Variants in CACNA1I observed in about 807,000 individuals in gnomAD.
CACNA1I encodes calcium voltage-gated channel subunit alpha1 I, also known as voltage-dependent T-type calcium channel subunit alpha-1I.
Under a neutral mutation model 201.6 loss-of-function variants are expected in CACNA1I, and 74 were observed. The ratio of observed to expected loss-of-function variants is 0.37; its 90% confidence interval spans 0.30 to 0.45. The LOEUF (loss-of-function observed/expected upper bound fraction) is 0.45. CACNA1I is among the 20% of genes least tolerant of loss of function. CACNA1I has a pLI of 1.00. For missense variants in CACNA1I, 2,346 were observed against 3,138.1 expected, an observed-to-expected ratio of 0.75 and a Z score of 6.03; for synonymous variants, 1,431 against 1,345.2, an observed-to-expected ratio of 1.06 and a Z score of -1.40.
chr22:39,621,794 C>T (rs1177920900), intron 4 of CACNA1I, among the ~76,000 whole-genome samples: 2 of 152,122 alleles, frequency 1.3e-5, no homozygotes, highest in Non-Finnish European at 2.9e-5. Flanking sequence ...GAGTTCAGCT[C>T]TACCAGCCTG....
In CACNA1I at chr22:39,688,973, C is replaced by G. The variant is rs1421364089; in HGVS notation, c.*2568C>G. The G allele has an allele frequency of 6.5e-6, 1 of 152,868 alleles. No individual in the cohort carries two copies. Among genetic ancestry groups the G allele is most frequent in the Non-Finnish European group, 1.5e-5 (1 of 68,130 alleles). The allele number at this position is 152,868 out of a possible 1,614,324, so 9.5% of individuals were successfully genotyped here. A position where few individuals can be genotyped will look rare whatever the true frequency, so the allele number is the denominator to read the frequency against. ...CACTTGACCTTGTTCCTGTGGGTGA[C>G]AGAGATGAGAACCAGGGAAGCTGTG... is the stretch of plus-strand genomic sequence containing the variant. On this transcript the variant is annotated 3_prime_UTR_variant, in exon 37 of 37. Transcript: ENST00000402142. The surrounding 1 kb of genome is among the most constrained non-coding windows in gnomAD (Gnocchi z 4.8).
Position 39,665,447 on chromosome 22 carries a change from C to T in CACNA1I, c.3852-51C>T. 8 of 1,606,642 alleles carry T rather than the reference C, an allele frequency of 5.0e-6. No individual in the cohort carries two copies. The Middle Eastern group carries it at 5.0e-4, about 101-fold the overall frequency. On this transcript the variant is annotated intron_variant, in intron 21 of 36. Transcript: ENST00000402142. This position sits in a 1 kb window ranked among gnomAD's most constrained non-coding sequence, Gnocchi z 5.5. Reference sequence around the variant, plus strand: ...TGACTCTGGGCTGAGTAGGGGCTGCCTCCTGGCCTGGCCAAGGGATTATGT... The same window carrying T: ...TGACTCTGGGCTGAGTAGGGGCTGCTTCCTGGCCTGGCCAAGGGATTATGT...
intron 24 of CACNA1I, 40 bp from the exon 25 acceptor site, chr22:39,669,998 G>A: frequency 6.2e-7 from 1 of 1,610,204 alleles, no homozygotes; most frequent in Non-Finnish European, 8.5e-7. Context: ...GCCCTGTAGG[G>A]CCCAATCAGC....
chr22:39,615,086 T>C (rs1209859059), intron 3 of CACNA1I, among the ~76,000 whole-genome samples: 1 of 152,226 alleles, frequency 6.6e-6, no homozygotes, highest in African/African-American at 2.4e-5. Context: ...GGCCCTTCCT[T>C]ACCTTCTCTT....
At chr22:39,656,509 G>C (rs1934828512) in intron 10 of CACNA1I, 3 of 511,264 alleles carry the variant, frequency 5.9e-6, no homozygotes, top group African/African-American at 3.9e-5. Context: ...TTGTTAACTT[G>C]GTTTACTGGG....
At chr22:39,618,042 T>C (rs189156444) in intron 3 of CACNA1I, among the ~76,000 whole-genome samples, 1 of 151,460 alleles carries the variant, frequency 6.6e-6, no homozygotes, top group Admixed American at 6.6e-5. Context: ...TGTGCAGTTG[T>C]GTGTGTATTT....
At chr22:39,603,579 A>G (rs1287528203) in intron 3 of CACNA1I, among the ~76,000 whole-genome samples, 1 of 152,186 alleles carries the variant, frequency 6.6e-6, no homozygotes, top group Admixed American at 6.5e-5. Flanking sequence ...TGTTTTATAA[A>G]TACAATATTC....
At chr22:39,576,837 T>C (rs1161026569) in intron 1 of CACNA1I, among the ~76,000 whole-genome samples, 2 of 152,234 alleles carry the variant, frequency 1.3e-5, no homozygotes, top group Non-Finnish European at 2.9e-5. Context: ...TTCGTGTTCC[T>C]GGTTCTCTCC....
chr22:39,583,074 AT>A (rs1932620023), intron 1 of CACNA1I, among the ~76,000 whole-genome samples: 1 of 149,004 alleles, frequency 6.7e-6, no homozygotes, highest in Non-Finnish European at 1.5e-5. Context: ...CCATCCATCC[AT>A]CCATCCAACA....
At chr22:39,584,764 C>A (rs1328071776) in intron 1 of CACNA1I, among the ~76,000 whole-genome samples, 1 of 152,192 alleles carries the variant, frequency 6.6e-6, no homozygotes, top group Non-Finnish European at 1.5e-5. Context: ...TTTAGCATTT[C>A]TTTCTGTTAT....
intron 34 of CACNA1I, among the ~76,000 whole-genome samples, chr22:39,681,730 G>A (rs542117241): frequency 2.9e-4 from 44 of 152,102 alleles, no homozygotes; most frequent in Admixed American, 2.2e-3. Flanking sequence ...TGCTGGGGGT[G>A]GGGGGTGTAA....
At chr22:39,612,113 T>C (rs1933401772) in intron 3 of CACNA1I, among the ~76,000 whole-genome samples, 1 of 152,132 alleles carries the variant, frequency 6.6e-6, no homozygotes, top group Non-Finnish European at 1.5e-5. Flanking sequence ...CCCTCGTGGA[T>C]GGATTAATGC....
rs1422309216 is a variant in CACNA1I at position 39,670,905 on chromosome 22, T to A, written c.4490T>A (p.Ile1497Asn). The part of the protein sequence containing the change: ...HYLDIFITFI[I>N]CLNVVTMSLE... ...CTGGACATCTTCATCACCTTCATCATCTGCCTCAACGTGGTCACCATGTCC... is the reference window on the plus strand; with the variant it reads ...CTGGACATCTTCATCACCTTCATCAACTGCCTCAACGTGGTCACCATGTCC... The change falls in exon 26 of 37, where the codon ATC becomes AAC. Residue 1497 changes from isoleucine (I) to asparagine (N), a missense_variant. Physicochemically the swap from Ile to Asn is moderately radical, Grantham distance 149. This residue lies in a region of CACNA1I where 228 missense variants were observed against 395.7 expected (regional missense o/e 0.58). Coordinates refer to ENST00000402142, the MANE Select transcript of CACNA1I (RefSeq NM_021096.4). 1 of 1,613,902 alleles carries A rather than the reference T, an allele frequency of 6.2e-7. No homozygotes were observed. Among genetic ancestry groups the A allele is most frequent in the East Asian group, 2.2e-5 (1 of 44,876 alleles).
Position 39,641,217 on chromosome 22 carries a change from T to C in CACNA1I, c.1056+35T>C, listed in dbSNP as rs201839582. The C allele has an allele frequency of 1.4e-5, 22 of 1,568,470 alleles. No homozygotes were observed. In the East Asian group the frequency reaches 4.5e-4, roughly 32 times the overall value. ...TTCAGGCCTGGGGCCAGCCTGGTCC[T>C]AGAGTGGGCAGCTCTGCCTGGTGGG... is the stretch of plus-strand genomic sequence containing the variant. On this transcript the variant is annotated intron_variant, in intron 6 of 36. Transcript: ENST00000402142.
At chr22:39,669,988 G>T in intron 24 of CACNA1I, 50 bp from the exon 25 acceptor site, 1 of 1,604,986 alleles carries the variant, frequency 6.2e-7, no homozygotes, top group Non-Finnish European at 8.5e-7. Flanking sequence ...CCTCCCCATG[G>T]CCCTGTAGGG....
intron 23 of CACNA1I, among the ~76,000 whole-genome samples, chr22:39,667,496 G>A (rs1283239477): frequency 1.3e-5 from 2 of 152,172 alleles, no homozygotes; most frequent in African/African-American, 4.8e-5. Flanking sequence ...GGGACCCTTT[G>A]TGAACCTACT....
At chr22:39,603,166 A>T (rs995883327) in intron 3 of CACNA1I, among the ~76,000 whole-genome samples, 1 of 151,506 alleles carries the variant, frequency 6.6e-6, no homozygotes, top group South Asian at 2.1e-4. Context: ...AAAAAAAAAA[A>T]GATTCATGCT....
At chr22:39,575,626 G>A (rs1380015992) in intron 1 of CACNA1I, among the ~76,000 whole-genome samples, 2 of 93,362 alleles carry the variant, frequency 2.1e-5, no homozygotes, top group Non-Finnish European at 4.1e-5. Flanking sequence ...TGCTGCTAGT[G>A]GCCATGCCCC....
chr22:39,625,007 A>C (rs1019366591), intron 4 of CACNA1I, among the ~76,000 whole-genome samples: 5 of 150,368 alleles, frequency 3.3e-5, no homozygotes, highest in Non-Finnish European at 7.4e-5. Context: ...CTCCCGGTTC[A>C]AGAGATTCTC....
Sources: gnomAD v4.1 joint callset for allele counts (sites outside exome capture counted in the v4.1 genomes callset) on GRCh38, gnomAD v4.1.1 for gene constraint, gnomAD v4.1.1 regional missense constraint, Gnocchi (gnomAD v3.1) non-coding constraint, MANE v1.5 for transcripts, NCBI Gene and HGNC (gene_info 2026-07-23, HGNC 2026-07-21) for gene names.